Variants in MED12L observed in about 807,000 individuals in gnomAD.
MED12L encodes the protein mediator complex subunit 12L.
Under a neutral mutation model 281.3 loss-of-function variants are expected in MED12L, and 60 were observed. That is an observed-to-expected ratio of 0.21 (90% confidence interval 0.17 to 0.26). MED12L has a LOEUF of 0.26. Ranked by LOEUF, MED12L falls within the 10% of genes least tolerant of loss-of-function variation. The pLI is 1.00. For missense variants in MED12L, 2,146 were observed against 2,680.9 expected (o/e 0.80, Z 4.41); for synonymous variants, 974 against 987.2 (o/e 0.99, Z 0.25).
intron 2 of MED12L, among the ~76,000 whole-genome samples, chr3:151,110,490 T>C (rs1347219293): frequency 3.9e-5 from 6 of 152,242 alleles, no homozygotes; most frequent in Admixed American, 1.3e-4. Flanking sequence ...ATCTTATTCT[T>C]ATCTTTTGGA....
Position 151,163,936 on chromosome 3 carries a change from C to A in MED12L, c.1151C>A (p.Ser384Tyr). Residue 384 changes from serine (S) to tyrosine (Y), a missense_variant, in exon 9 of 45, where the codon TCC (serine) becomes TAC (tyrosine). Transcript: ENST00000687756. Reference protein sequence around the residue: ...CCPSALVWNYSTNENKSANPG... With the variant: ...CCPSALVWNYYTNENKSANPG... Reference sequence around the variant, plus strand: ...CCAAGTGCCTTGGTGTGGAATTATTCCACAAATGAAAATAAGAGCGCAAAC... The same window carrying A: ...CCAAGTGCCTTGGTGTGGAATTATTACACAAATGAAAATAAGAGCGCAAAC... The A allele has an allele frequency of 1.2e-6, 2 of 1,613,458 alleles. No homozygotes were observed. The highest frequency in any genetic ancestry group is 1.7e-6 in the Non-Finnish European group (2 of 1,179,658).
Position 151,176,510 on chromosome 3 carries a change from G to A in MED12L, c.1495-8820G>A, listed in dbSNP as rs114817946. Reference sequence around the variant, plus strand: ...TTGCTCTATGCATAATATTCTACAGGATTTTTTTTCTTTTACTGCTTAATA... The same window carrying A: ...TTGCTCTATGCATAATATTCTACAGAATTTTTTTTCTTTTACTGCTTAATA... On this transcript the variant is annotated intron_variant, in intron 11 of 44. Transcript: ENST00000687756. Among the ~76,000 whole-genome samples the A allele has an allele frequency of 6.5e-3, 987 of 151,884 alleles. 15 individuals are homozygous for A. The highest frequency in any genetic ancestry group is 0.023 in the African/African-American group (950 of 41,412).
In MED12L at chr3:151,188,390, T is replaced by A. The variant is rs1417684711; in HGVS notation, c.1663T>A (p.Ser555Thr). ...ATCAGAAGTCTTAGATGAGAAGGAG[T>A]CTATTTCTTCATCCTCTCTTGCTGG... ...GESEVLDEKE[S>T]ISSSSLAGSS... Residue 555 changes from serine (S) to threonine (T), a missense_variant, in exon 13 of 45, where the codon TCT (serine) becomes ACT (threonine). Transcript: ENST00000687756. 1.9e-6 allele frequency: 3 copies of A among 1,610,122 alleles called. No individual in the cohort carries two copies. Among genetic ancestry groups the A allele is most frequent in the Non-Finnish European group, 2.5e-6 (3 of 1,176,742 alleles).
At chr3:151,290,332 A>T (rs1454652852) in intron 16 of MED12L, among the ~76,000 whole-genome samples, 1 of 46,864 alleles carries the variant, frequency 2.1e-5, no homozygotes, top group African/African-American at 1.8e-4. Flanking sequence ...TCTAAGGATG[A>T]CTTTTTTTTA....
chr3:151,394,888 T>G, intron 39 of MED12L, 21 bp downstream of exon 39: 3 of 1,612,852 alleles, frequency 1.9e-6, no homozygotes, highest in Non-Finnish European at 2.5e-6. Flanking sequence ...ACCCCAGCAA[T>G]GGAGTCCTTT....
chr3:151,220,556 T>C (rs538801332), intron 16 of MED12L, among the ~76,000 whole-genome samples: 6 of 152,218 alleles, frequency 3.9e-5, no homozygotes, highest in South Asian at 4.2e-4. Flanking sequence ...TGGGAGATGA[T>C]TGAATTATGG....
intron 16 of MED12L, among the ~76,000 whole-genome samples, chr3:151,233,406 C>T (rs1435651122): frequency 6.6e-6 from 1 of 152,212 alleles, no homozygotes; most frequent in Non-Finnish European, 1.5e-5. Context: ...TTTGAAAAGA[C>T]TACATGTAGT....
At position 151,376,788 on chromosome 3, in the gene MED12L, C is replaced by A. The variant is rs1381611708; in HGVS notation, c.4054-12C>A. On this transcript the variant is annotated splice_polypyrimidine_tract_variant and intron_variant, in intron 28 of 44. Transcript: ENST00000687756. Reference sequence around the variant, plus strand: ...ATACCCATAATGTTTTAATTCTTTCCATTTTTCCCAGAATCTTGAGCAGTG... The same window carrying A: ...ATACCCATAATGTTTTAATTCTTTCAATTTTTCCCAGAATCTTGAGCAGTG... 2 of 1,610,362 alleles carry A rather than the reference C, an allele frequency of 1.2e-6. No homozygotes were observed. The highest frequency in any genetic ancestry group is 1.7e-6 in the Non-Finnish European group (2 of 1,177,152).
At chr3:151,372,222 C>T (rs760765673) in intron 26 of MED12L, among the ~76,000 whole-genome samples, 2 of 152,128 alleles carry the variant, frequency 1.3e-5, no homozygotes, top group Non-Finnish European at 2.9e-5. Flanking sequence ...GTCTATAAGT[C>T]AAATGAATTT....
chr3:151,159,509 C>T (rs1719718278), intron 7 of MED12L, among the ~76,000 whole-genome samples: 1 of 152,182 alleles, frequency 6.6e-6, no homozygotes, highest in Non-Finnish European at 1.5e-5. Context: ...GTAAAATGCA[C>T]ACCAGATTTC....
intron 24 of MED12L, 125 bp downstream of exon 24, chr3:151,367,891 A>G (rs1011237343): frequency 2.7e-6 from 3 of 1,120,406 alleles, no homozygotes; most frequent in South Asian, 1.6e-5. Flanking sequence ...TGTAGTATCA[A>G]GGTAGATATG....
rs1045220703 is a variant in MED12L at position 151,198,347 on chromosome 3, T to G, written c.2250+4681T>G. The G allele has an allele frequency of 7.7e-5, 84 of 1,095,814 alleles. 2 individuals carry two copies. The highest frequency in any genetic ancestry group is 6.4e-4 in the Middle Eastern group (2 of 3,136). 67.9% of individuals were successfully genotyped at this position (1,095,814 alleles called of 1,614,324 possible). Reference sequence around the variant, plus strand: ...TTCATACTGAGTTTTTTTTTGTTTTTTTTTTTTTTATCTTTCAAAGCTATA... The same window carrying G: ...TTCATACTGAGTTTTTTTTTGTTTTGTTTTTTTTTATCTTTCAAAGCTATA... On this transcript the variant is annotated intron_variant, in intron 16 of 44. Coordinates refer to ENST00000687756, the MANE Select transcript of MED12L (RefSeq NM_001393769.1).
rs1553770708 is a variant in MED12L at position 151,293,677 on chromosome 3, A to ACC, written c.2251-56380_2251-56379dup. 6.6e-5 allele frequency among the ~76,000 whole-genome samples: 8 copies of ACC among 121,350 alleles called. No individual in the cohort carries two copies. The East Asian group carries it at 1.1e-3, about 17-fold the overall frequency. 79.6% of individuals were successfully genotyped at this position (121,350 alleles called of 152,430 possible). On this transcript the variant is annotated intron_variant, in intron 16 of 44. Coordinates refer to ENST00000687756, the MANE Select transcript of MED12L (RefSeq NM_001393769.1). ...CACACACACACACACACACACACAC[A>ACC]CCCTCTACCTTCATTTCTATAGTGT...
In MED12L at chr3:151,365,877, T is replaced by A; in HGVS notation, c.3213T>A (p.Ser1071=). The part of the protein sequence containing the change: ...GRINDIANFS[S]ELTACCTVLS... ...TTAACGACATAGCCAATTTCTCCTC[T>A]GAGCTTACGGCTTGCTGCACTGTTC... The change falls in exon 23 of 45, where the codon TCT becomes TCA. Residue 1071 remains serine (S), a synonymous_variant. Transcript: ENST00000687756. 1 of 1,611,504 alleles carries A rather than the reference T, an allele frequency of 6.2e-7. No individual in the cohort carries two copies. The highest frequency in any genetic ancestry group is 8.5e-7 in the Non-Finnish European group (1 of 1,178,550).
At chr3:151,217,026 G>A (rs1434429502) in intron 16 of MED12L, among the ~76,000 whole-genome samples, 1 of 152,176 alleles carries the variant, frequency 6.6e-6, no homozygotes, top group Non-Finnish European at 1.5e-5. Context: ...GGTAGGTACT[G>A]AGTACTTGTG....
intron 32 of MED12L, among the ~76,000 whole-genome samples, chr3:151,380,559 T>C (rs1712092043): frequency 6.8e-6 from 1 of 146,620 alleles, no homozygotes; most frequent in African/African-American, 2.5e-5. Context: ...ATCGCGCCAT[T>C]GCACACCAGC....
intron 2 of MED12L, among the ~76,000 whole-genome samples, chr3:151,099,052 T>G (rs558502887): frequency 6.6e-6 from 1 of 152,088 alleles, no homozygotes; most frequent in African/African-American, 2.4e-5. Context: ...GAGAAAGATA[T>G]GGGGGAAACT....
chr3:151,145,564 C>T (rs551535231), intron 5 of MED12L, among the ~76,000 whole-genome samples: 2 of 152,154 alleles, frequency 1.3e-5, no homozygotes, highest in Non-Finnish European at 2.9e-5. Context: ...TGGTGAGTTG[C>T]CTCAGTGTCA....
At chr3:151,230,592 A>T (rs1577047355) in intron 16 of MED12L, among the ~76,000 whole-genome samples, 1 of 147,138 alleles carries the variant, frequency 6.8e-6, no homozygotes, top group Non-Finnish European at 1.5e-5. Flanking sequence ...TTTTGAATGC[A>T]CTTCCACTTC....
Sources: gnomAD v4.1 joint callset for allele counts (sites outside exome capture counted in the v4.1 genomes callset) on GRCh38, gnomAD v4.1.1 for gene constraint, MANE v1.5 for transcripts, NCBI Gene and HGNC (gene_info 2026-07-23, HGNC 2026-07-21) for gene names.